Variants in CHRNA3 observed in about 807,000 individuals in gnomAD.
CHRNA3 encodes neuronal acetylcholine receptor subunit alpha-3.
CHRNA3 carries 34 observed loss-of-function variants against 41.9 expected under a neutral mutation model. The observed-to-expected ratio is 0.81, with a 90% CI of 0.62 to 1.08. The LOEUF is 1.08. Ranked by LOEUF, CHRNA3 falls within the 50% of genes least tolerant of loss-of-function variation. The probability of loss-of-function intolerance (pLI) is 0.00; values close to 1 mark genes in which losing one functional copy is unlikely to be tolerated. For missense variants in CHRNA3, 542 were observed against 638.3 expected (o/e 0.85, Z 1.63); for synonymous variants, 281 against 265.2 (o/e 1.06, Z -0.58).
Position 78,601,419 on chromosome 15 carries a change from CGGT to C in CHRNA3, c.1220_1222del (p.His407del). 6.2e-7 allele frequency: 1 copy of C among 1,614,164 alleles called. No homozygotes were observed. Among genetic ancestry groups the C allele is most frequent in the Non-Finnish European group, 8.5e-7 (1 of 1,180,030 alleles). The stretch of plus-strand genomic sequence containing the variant: ...ACTGAAATTGGAGATTTTTATCCTG[CGGT>C]GGTGGCAGTAACCACACATCCCGTC... On this transcript the variant is annotated inframe_deletion, in exon 5 of 6. Coordinates refer to ENST00000326828, the MANE Select transcript of CHRNA3 (RefSeq NM_000743.5).
At chr15:78,599,905 C>G (rs1168201998) in intron 5 of CHRNA3, 1 of 142,608 alleles carries the variant, frequency 7.0e-6, no homozygotes, top group African/African-American at 2.6e-5. Flanking sequence ...TAGTCCCAGA[C>G]ACTTGGGAGG....
chr15:78,602,764 C>T (rs1305476794), intron 4 of CHRNA3, among the ~76,000 whole-genome samples: 7 of 152,138 alleles, frequency 4.6e-5, no homozygotes, highest in Non-Finnish European at 5.9e-5. Flanking sequence ...GGGGAGTCCA[C>T]CCCCATTAAA....
At chr15:78,602,731 G>A (rs2053225371) in intron 4 of CHRNA3, among the ~76,000 whole-genome samples, 2 of 152,140 alleles carry the variant, frequency 1.3e-5, no homozygotes, top group Middle Eastern at 3.2e-3. Context: ...TATGGATGTG[G>A]AAGGGGCTGC....
intron 4 of CHRNA3, among the ~76,000 whole-genome samples, chr15:78,605,069 AG>A (rs1363563003): frequency 6.6e-6 from 1 of 152,142 alleles, no homozygotes; most frequent in African/African-American, 2.4e-5. Flanking sequence ...ATTGGTGGGA[AG>A]GGTCTGAGCA....
chr15:78,620,872 C>T lies in CHRNA3; in HGVS notation c.-78G>A, dbSNP rs1251181376. On this transcript the variant is annotated 5_prime_UTR_variant, in exon 1 of 6. Coordinates refer to ENST00000326828, the MANE Select transcript of CHRNA3 (RefSeq NM_000743.5). The stretch of plus-strand genomic sequence containing the variant: ...GTCGCAGAGACGGCCTCTCCCCGCG[C>T]GGCTCCAGCGCAGACCCCAGACCTG... 29 of 1,315,198 alleles carry T rather than the reference C, an allele frequency of 2.2e-5. 1 individual carries two copies. The East Asian group carries it at 6.4e-4, about 29-fold the overall frequency. The allele number at this position is 1,315,198 out of a possible 1,614,324, so 81.5% of individuals were successfully genotyped here. A position where few individuals can be genotyped will look rare whatever the true frequency, so the allele number is the denominator to read the frequency against.
At chr15:78,598,339 T>A (rs1249756721) in intron 5 of CHRNA3, among the ~76,000 whole-genome samples, 1 of 152,088 alleles carries the variant, frequency 6.6e-6, no homozygotes, top group Non-Finnish European at 1.5e-5. Context: ...GACACTTGGG[T>A]TTTATACATG....
chr15:78,618,475 G>T (rs1433468070), intron 3 of CHRNA3, 142 bp downstream of exon 3: 1 of 896,274 alleles, frequency 1.1e-6, no homozygotes. Context: ...CCTTAGAAGA[G>T]ATATATCTGC....
At chr15:78,613,283 C>A (rs545950111) in intron 4 of CHRNA3, among the ~76,000 whole-genome samples, 1 of 152,008 alleles carries the variant, frequency 6.6e-6, no homozygotes, top group African/African-American at 2.4e-5. Flanking sequence ...ATGTTTATTG[C>A]GGCATTATTC....
In CHRNA3 at chr15:78,595,908, G is replaced by T; in HGVS notation, c.*696C>A. 4.6e-6 allele frequency: 1 copy of T among 217,812 alleles called. No individual in the cohort carries two copies. The highest frequency in any genetic ancestry group is 7.8e-6 in the Non-Finnish European group (1 of 128,552). 13.5% of individuals were successfully genotyped at this position (217,812 alleles called of 1,614,324 possible). Reference sequence around the variant, plus strand: ...CTAGAAGGCACCCTTTGAGGAAGAGGACCCTCACCAGACACCAAATTTGCT... The same window carrying T: ...CTAGAAGGCACCCTTTGAGGAAGAGTACCCTCACCAGACACCAAATTTGCT... On this transcript the variant is annotated 3_prime_UTR_variant, in exon 6 of 6. Transcript: ENST00000326828.
chr15:78,601,445 G>A lies in CHRNA3; in HGVS notation c.1197C>T (p.Asp399=), dbSNP rs56403513. 2.9e-3 allele frequency: 4,674 copies of A among 1,614,136 alleles called. 20 individuals carry two copies. Among genetic ancestry groups the A allele is most frequent in the Non-Finnish European group, 3.0e-3 (3,591 of 1,180,030 alleles). Residue 399 remains aspartate, a synonymous_variant, in exon 5 of 6, where the codon GAC becomes GAT. Coordinates refer to ENST00000326828, the MANE Select transcript of CHRNA3 (RefSeq NM_000743.5). ...GGTGGTGGCAGTAACCACACATCCCGTCCTGGCAGGGGTAGCCCTCCTTGC... is the reference window on the plus strand; with the variant it reads ...GGTGGTGGCAGTAACCACACATCCCATCCTGGCAGGGGTAGCCCTCCTTGC... ...KGCKEGYPCQ[D]GMCGYCHHRR... is the part of the protein sequence containing the mutation.
chr15:78,596,546 G>C lies in CHRNA3; in HGVS notation c.*58C>G. 2 of 1,391,002 alleles carry C rather than the reference G, an allele frequency of 1.4e-6. No individual in the cohort carries two copies. Among genetic ancestry groups the C allele is most frequent in the South Asian group, 4.0e-5 (2 of 49,698 alleles). 86.2% of individuals were successfully genotyped at this position (1,391,002 alleles called of 1,614,324 possible). A position where few individuals can be genotyped will look rare whatever the true frequency, so the allele number is the denominator to read the frequency against. ...ACAGAAAGTACGTTCTTACTAGGAA[G>C]CAGCCTCCTCCTGCCCTGACACAAG... On this transcript the variant is annotated 3_prime_UTR_variant, in exon 6 of 6. Coordinates refer to ENST00000326828, the MANE Select transcript of CHRNA3 (RefSeq NM_000743.5).
At chr15:78,615,338 G>A (rs2141342757) in intron 4 of CHRNA3, among the ~76,000 whole-genome samples, 1 of 152,324 alleles carries the variant, frequency 6.6e-6, no homozygotes, top group African/African-American at 2.4e-5. Context: ...AAGAGGTTTG[G>A]GGACACAGGC....
downstream of CHRNA3, chr15:78,594,760 T>G (rs2053072654): frequency 6.6e-6 from 1 of 152,242 alleles, no homozygotes; most frequent in African/African-American, 2.4e-5. Context: ...ATATGCACAC[T>G]GTTATATACC....
chr15:78,605,294 CAA>C (rs1480421015), intron 4 of CHRNA3, among the ~76,000 whole-genome samples: 1 of 152,096 alleles, frequency 6.6e-6, no homozygotes, highest in Admixed American at 6.5e-5. Context: ...AGCAAAATAA[CAA>C]ATCTGATCAC....
chr15:78,611,072 A>C (rs1186397343), intron 4 of CHRNA3, among the ~76,000 whole-genome samples: 1 of 152,194 alleles, frequency 6.6e-6, no homozygotes, highest in Non-Finnish European at 1.5e-5. Flanking sequence ...AATTGTGGCA[A>C]TAATCAATAG....
At chr15:78,605,627 G>A (rs756121708) in intron 4 of CHRNA3, among the ~76,000 whole-genome samples, 1 of 152,194 alleles carries the variant, frequency 6.6e-6, no homozygotes, top group Non-Finnish European at 1.5e-5. Flanking sequence ...TCCACTCAGT[G>A]TCTGCAGAGG....
intron 4 of CHRNA3, among the ~76,000 whole-genome samples, chr15:78,603,446 G>C (rs919281169): frequency 1.3e-5 from 2 of 152,238 alleles, no homozygotes; most frequent in Non-Finnish European, 2.9e-5. Flanking sequence ...AGCAAGGCCA[G>C]TTGCTTCCAC....
chr15:78,604,151 G>A (rs2053248022), intron 4 of CHRNA3, among the ~76,000 whole-genome samples: 2 of 152,274 alleles, frequency 1.3e-5, no homozygotes, highest in South Asian at 2.1e-4. Flanking sequence ...AATCTGGGGG[G>A]AATAGTGCCA....
intron 4 of CHRNA3, among the ~76,000 whole-genome samples, chr15:78,607,166 T>C (rs557993765): frequency 2.7e-5 from 4 of 150,080 alleles, no homozygotes; most frequent in African/African-American, 9.8e-5. Context: ...GAGGCAGAGA[T>C]TGCAGTGAGC....
Sources: allele counts gnomAD v4.1 joint callset (sites outside exome capture counted in the v4.1 genomes callset), GRCh38; gene constraint gnomAD v4.1.1; transcripts MANE v1.5; gene names NCBI Gene and HGNC (gene_info 2026-07-23, HGNC 2026-07-21).